AIG1: variants seen among roughly 807,000 people sequenced by gnomAD.
AIG1 encodes androgen induced 1.
Under a neutral mutation model 31.4 loss-of-function variants are expected in AIG1, and 23 were observed. The ratio of observed to expected loss-of-function variants is 0.73; its 90% confidence interval spans 0.53 to 1.04. AIG1 has a LOEUF of 1.04. Ranked by LOEUF, AIG1 falls within the 50% of genes least tolerant of loss-of-function variation. The probability of loss-of-function intolerance (pLI) is 0.00; values close to 1 mark genes in which losing one functional copy is unlikely to be tolerated. For synonymous variants in AIG1, 100 were observed against 110.5 expected (o/e 0.90, Z 0.60); for missense variants, 274 against 295.0 (o/e 0.93, Z 0.52).
intron 1 of AIG1, among the ~76,000 whole-genome samples, chr6:143,116,085 TC>T (rs1200522372): frequency 6.6e-6 from 1 of 152,250 alleles, no homozygotes; most frequent in Non-Finnish European, 1.5e-5. Flanking sequence ...GTGTTTACCA[TC>T]TTTTCTGGGT....
At position 143,150,429 on chromosome 6, in the gene AIG1, A is replaced by G. The variant is rs186846153; in HGVS notation, c.297+13439A>G. Among the ~76,000 whole-genome samples, 3 of 152,318 alleles carry G rather than the reference A, an allele frequency of 2.0e-5. No individual in the cohort carries two copies. The East Asian group carries it at 5.8e-4, about 29-fold the overall frequency. ...CTAAGTGCCAGTCACTAAGCTAACCACTATCATATGATTTCACTGACTCTG... is the reference window on the plus strand; with the variant it reads ...CTAAGTGCCAGTCACTAAGCTAACCGCTATCATATGATTTCACTGACTCTG... On this transcript the variant is annotated intron_variant, in intron 2 of 5. Transcript: ENST00000357847.
intron 3 of AIG1, among the ~76,000 whole-genome samples, chr6:143,237,825 A>C (rs1793926621): frequency 6.6e-6 from 1 of 152,236 alleles, no homozygotes; most frequent in Admixed American, 6.5e-5. Context: ...AACATGACCA[A>C]AAGCTTGAAA....
rs1012834106 is a variant in AIG1 at position 143,103,594 on chromosome 6, G to A, written c.142-33241G>A. ...GGGATCTCGGCTCACTGCAAGCTCC[G>A]CCTCCCGGGTTCACGCCATTCTCCT... is the stretch of plus-strand genomic sequence containing the variant. On this transcript the variant is annotated intron_variant, in intron 1 of 5. Transcript: ENST00000357847. Among the ~76,000 whole-genome samples, 975 of 130,724 alleles carry A rather than the reference G, an allele frequency of 7.5e-3. 38 individuals carry two copies. The highest frequency in any genetic ancestry group is 0.073 in the Admixed American group (860 of 11,862). 85.8% of individuals were successfully genotyped at this position (130,724 alleles called of 152,430 possible).
Position 143,204,702 on chromosome 6 carries a change from C to T in AIG1, c.399+39519C>T, listed in dbSNP as rs9321894. Among the ~76,000 whole-genome samples, 480 of 152,106 alleles carry T rather than the reference C, an allele frequency of 3.2e-3. 10 individuals carry two copies. In the East Asian group the frequency reaches 0.065, roughly 20 times the overall value. On this transcript the variant is annotated intron_variant, in intron 3 of 5. Coordinates refer to ENST00000357847, the MANE Select transcript of AIG1 (RefSeq NM_016108.4). ...TCACCCATACAGACAATTGATAGAACGAGGTCCTGAACAATGTGCGGAGTC... is the reference window on the plus strand; with the variant it reads ...TCACCCATACAGACAATTGATAGAATGAGGTCCTGAACAATGTGCGGAGTC...
intron 1 of AIG1, among the ~76,000 whole-genome samples, chr6:143,114,602 G>T (rs1315428679): frequency 6.6e-6 from 1 of 152,216 alleles, no homozygotes; most frequent in Admixed American, 6.5e-5. Flanking sequence ...CGTTCAGGTT[G>T]TAAGTATGTA....
intron 2 of AIG1, among the ~76,000 whole-genome samples, chr6:143,139,574 A>G (rs1425380272): frequency 6.6e-6 from 1 of 151,908 alleles, no homozygotes; most frequent in Non-Finnish European, 1.5e-5. Flanking sequence ...TTTCATAATC[A>G]TCCCTGTTAC....
At chr6:143,238,338 A>G (rs1793970689) in intron 3 of AIG1, among the ~76,000 whole-genome samples, 2 of 152,228 alleles carry the variant, frequency 1.3e-5, no homozygotes, top group African/African-American at 4.8e-5. Flanking sequence ...TGTTGTGCCC[A>G]GAATTATTTT....
At chr6:143,180,611 C>T (rs2128584659) in intron 3 of AIG1, among the ~76,000 whole-genome samples, 1 of 152,096 alleles carries the variant, frequency 6.6e-6, no homozygotes, top group East Asian at 1.9e-4. Context: ...TCAGATAGTG[C>T]CTCGGCTTAC....
chr6:143,203,628 A>C (rs1309101474), intron 3 of AIG1, among the ~76,000 whole-genome samples: 1 of 152,204 alleles, frequency 6.6e-6, no homozygotes, highest in Non-Finnish European at 1.5e-5. Context: ...AACTAGGACC[A>C]ATGGATGGAA....
chr6:143,117,413 A>G (rs60642579), intron 1 of AIG1, among the ~76,000 whole-genome samples: 5,785 of 152,256 alleles, frequency 0.038, 429 homozygotes, highest in East Asian at 0.32. Flanking sequence ...GGGTCAGATT[A>G]TGGAGGTTAT....
At chr6:143,271,220 A>C (rs1282878367) in intron 3 of AIG1, among the ~76,000 whole-genome samples, 3 of 152,246 alleles carry the variant, frequency 2.0e-5, no homozygotes, top group African/African-American at 4.8e-5. Context: ...TCCCAGCTCC[A>C]GAGCACCATC....
rs142591217 is a variant in AIG1, at chr6:143,087,250, G to A, written c.141+26184G>A. ...TTCTTAGAGCTCCCAAGATGGTGGCGGGCTGCTCCCAAGGTGGTGGCAAGC... is the reference window on the plus strand; with the variant it reads ...TTCTTAGAGCTCCCAAGATGGTGGCAGGCTGCTCCCAAGGTGGTGGCAAGC... On this transcript the variant is annotated intron_variant, in intron 1 of 5. Coordinates refer to ENST00000357847, the MANE Select transcript of AIG1 (RefSeq NM_016108.4). 6.9e-4 allele frequency among the ~76,000 whole-genome samples: 105 copies of A among 152,130 alleles called. 1 individual carries two copies. Among genetic ancestry groups the A allele is most frequent in the African/African-American group, 2.2e-3 (90 of 41,518 alleles).
chr6:143,134,025 A>T (rs1040886320), intron 1 of AIG1, among the ~76,000 whole-genome samples: 1 of 152,056 alleles, frequency 6.6e-6, no homozygotes, highest in African/African-American at 2.4e-5. Context: ...AAACTAAGGG[A>T]TATTGAATTA....
chr6:143,084,200 C>G (rs1168769757), intron 1 of AIG1, among the ~76,000 whole-genome samples: 1 of 152,144 alleles, frequency 6.6e-6, no homozygotes, highest in African/African-American at 2.4e-5. Context: ...GGTGCTTGCC[C>G]CGGGCACCCT....
At chr6:143,155,765 A>G (rs908337475) in intron 2 of AIG1, among the ~76,000 whole-genome samples, 3 of 152,188 alleles carry the variant, frequency 2.0e-5, no homozygotes, top group Non-Finnish European at 2.9e-5. Context: ...AGCCACACAT[A>G]GTCTGGTGAA....
intron 3 of AIG1, among the ~76,000 whole-genome samples, chr6:143,228,805 C>T (rs1793214358): frequency 1.3e-5 from 2 of 152,200 alleles, no homozygotes; most frequent in South Asian, 4.1e-4. Context: ...AGGTGTGGAG[C>T]TCGCTTTTAA....
intron 2 of AIG1, among the ~76,000 whole-genome samples, chr6:143,144,288 A>G (rs1784535087): frequency 6.6e-6 from 1 of 152,218 alleles, no homozygotes. Context: ...TTGTGGGACC[A>G]TGGAGCCTAC....
At chr6:143,234,152 C>T (rs563550976) in intron 3 of AIG1, among the ~76,000 whole-genome samples, 2 of 152,120 alleles carry the variant, frequency 1.3e-5, no homozygotes, top group South Asian at 2.1e-4. Context: ...TGGTGGTCGG[C>T]GGGGGGACTA....
rs528347059 is a variant in AIG1, at chr6:143,188,294, G to T, written c.399+23111G>T. On this transcript the variant is annotated intron_variant, in intron 3 of 5. Transcript: ENST00000357847. Reference sequence around the variant, plus strand: ...TTGCCGCTGTTTAAACATGTTAATTGATGTTGACACCAGTTGTTGCTATAC... The same window carrying T: ...TTGCCGCTGTTTAAACATGTTAATTTATGTTGACACCAGTTGTTGCTATAC... The T allele has an allele frequency of 2.3e-5, 23 of 986,008 alleles. No individual in the cohort carries two copies. The South Asian group carries it at 9.4e-4, about 40-fold the overall frequency. The allele number at this position is 986,008 out of a possible 1,614,324, so 61.1% of individuals were successfully genotyped here. A position where few individuals can be genotyped will look rare whatever the true frequency, so the allele number is the denominator to read the frequency against.
Sources: gnomAD v4.1 joint callset for allele counts (sites outside exome capture counted in the v4.1 genomes callset) on GRCh38, gnomAD v4.1.1 for gene constraint, MANE v1.5 for transcripts, NCBI Gene and HGNC (gene_info 2026-07-23, HGNC 2026-07-21) for gene names.